Variants in SLC15A5 observed in about 807,000 individuals in gnomAD.
SLC15A5 encodes Peptide/histidine transporter ENSP00000340402.
In SLC15A5, 58 loss-of-function variants were observed where a neutral mutation model predicts 56.1. That is an observed-to-expected ratio of 1.03 (90% CI 0.84 to 1.29). SLC15A5 has a LOEUF of 1.29. SLC15A5 is among the 50% of genes most tolerant of loss of function. The pLI, the probability that SLC15A5 is intolerant of heterozygous loss-of-function variation, is 0.00. For synonymous variants in SLC15A5, 264 were observed against 250.5 expected (o/e 1.05, Z -0.51); for missense variants, 681 against 672.1 (o/e 1.01, Z -0.15).
intron 7 of SLC15A5, among the ~76,000 whole-genome samples, chr12:16,205,297 T>C (rs1864003480): frequency 6.6e-6 from 1 of 151,844 alleles, no homozygotes; most frequent in African/African-American, 2.4e-5. Context: ...GCAAGTATTA[T>C]CATTTCACAA....
rs190329082 is a variant in SLC15A5 at position 16,230,873 on chromosome 12, A to G, written c.1163-6271T>C. On this transcript the variant is annotated intron_variant, in intron 5 of 8. Coordinates refer to ENST00000344941, the MANE Select transcript of SLC15A5 (RefSeq NM_001170798.1). ...AGAAGGCAGAGCTTGTAGTGAGCTG[A>G]GATCATGCCACTGCACTCCAGCCTA... 1.8e-3 allele frequency among the ~76,000 whole-genome samples: 267 copies of G among 151,722 alleles called. 5 individuals are homozygous for G. In the East Asian group the frequency reaches 0.027, roughly 15 times the overall value.
Position 16,224,543 on chromosome 12 carries a change from G to A in SLC15A5, c.1222C>T (p.Arg408Ter), listed in dbSNP as rs962046049. 12 of 1,536,928 alleles carry A rather than the reference G, an allele frequency of 7.8e-6. No individual in the cohort carries two copies. Among genetic ancestry groups the A allele is most frequent in the African/African-American group, 4.1e-5 (3 of 73,000 alleles). The change falls in exon 6 of 9, where the codon CGA becomes TGA. Residue 408 changes from arginine to a stop codon, truncating the protein, a stop_gained. Transcript: ENST00000344941. LOFTEE classifies it high-confidence loss of function. Reference protein sequence around the residue: ...VMIAGFFEIHRKHFPAVEQPL... With the variant: ...VMIAGFFEIH Reference sequence around the variant, plus strand: ...TGCTCCACTGCAGGGAAATGTTTTCGGTGTATTTCAAAGAAGCCAGCTATC... The same window carrying A: ...TGCTCCACTGCAGGGAAATGTTTTCAGTGTATTTCAAAGAAGCCAGCTATC...
At position 16,196,368 on chromosome 12, in the gene SLC15A5, A is replaced by G. The variant is rs1414860478; in HGVS notation, c.1484-1915T>C. Among the ~76,000 whole-genome samples the G allele has an allele frequency of 6.6e-6, 1 of 151,762 alleles. No homozygotes were observed. The highest frequency in any genetic ancestry group is 1.5e-5 in the Non-Finnish European group (1 of 67,916). ...ATATTGTGTAGCCTTTTTGATGTGT[A>G]TATGTGTGCTTTTGTGTGTGTGCAT... is the stretch of plus-strand genomic sequence containing the variant. On this transcript the variant is annotated intron_variant, in intron 7 of 8. Coordinates refer to ENST00000344941, the MANE Select transcript of SLC15A5 (RefSeq NM_001170798.1). This position sits in a 1 kb window ranked among gnomAD's most constrained non-coding sequence, Gnocchi z 4.0.
rs183829415 is a variant in SLC15A5, at chr12:16,238,295, T to C, written c.1162+1386A>G. Among the ~76,000 whole-genome samples, 675 of 152,246 alleles carry C rather than the reference T, an allele frequency of 4.4e-3. 4 individuals are homozygous for C. The highest frequency in any genetic ancestry group is 5.7e-3 in the Non-Finnish European group (386 of 68,006). On this transcript the variant is annotated intron_variant, in intron 5 of 8. Coordinates refer to ENST00000344941, the MANE Select transcript of SLC15A5 (RefSeq NM_001170798.1). ...ACAGAGAAGCAACAAAAAATACCTG[T>C]GACTAGAAGATTCCGCCATAGTCTC...
chr12:16,251,676 T>C (rs1864520358), intron 3 of SLC15A5, among the ~76,000 whole-genome samples: 1 of 151,762 alleles, frequency 6.6e-6, no homozygotes, highest in South Asian at 2.1e-4. Flanking sequence ...TAAACAGTAA[T>C]CAAAAACCCC....
intron 2 of SLC15A5, among the ~76,000 whole-genome samples, chr12:16,259,024 C>T (rs1235837478): frequency 1.0e-3 from 64 of 63,214 alleles, no homozygotes; most frequent in East Asian, 2.3e-3. Flanking sequence ...TCTTTCTTTC[C>T]TTTTTTTTTT....
At chr12:16,266,476 G>A (rs962246133) in intron 2 of SLC15A5, among the ~76,000 whole-genome samples, 7 of 152,168 alleles carry the variant, frequency 4.6e-5, no homozygotes, top group Non-Finnish European at 1.0e-4. Context: ...GAATATGTAT[G>A]TCTAGGAAGA....
At chr12:16,220,725 C>T (rs181203965) in intron 6 of SLC15A5, among the ~76,000 whole-genome samples, 4 of 152,274 alleles carry the variant, frequency 2.6e-5, no homozygotes, top group Admixed American at 2.6e-4. Context: ...CAATTTTGTG[C>T]ACCCTTCTCT....
At chr12:16,231,209 G>T (rs1041401606) in intron 5 of SLC15A5, among the ~76,000 whole-genome samples, 1 of 152,262 alleles carries the variant, frequency 6.6e-6, no homozygotes, top group Middle Eastern at 3.4e-3. Context: ...ACTAAAAGAA[G>T]ATTTTTATCT....
intron 3 of SLC15A5, among the ~76,000 whole-genome samples, chr12:16,247,977 CATGAAGAGAT>C (rs2136794363): frequency 6.6e-6 from 1 of 152,096 alleles, no homozygotes; most frequent in African/African-American, 2.4e-5. Context: ...CAGTAGTAGC[CATGAAGAGAT>C]ATGAAGAGAA....
intron 8 of SLC15A5, among the ~76,000 whole-genome samples, chr12:16,192,627 T>C (rs888713407): frequency 1.3e-5 from 2 of 152,052 alleles, no homozygotes; most frequent in African/African-American, 4.8e-5. Flanking sequence ...GAACAATGCT[T>C]AGCATGTTGG....
At chr12:16,258,870 T>C (rs1864606965) in intron 2 of SLC15A5, among the ~76,000 whole-genome samples, 1 of 152,112 alleles carries the variant, frequency 6.6e-6, no homozygotes, top group Admixed American at 6.6e-5. Flanking sequence ...CCCATAATCT[T>C]TCCCATATTC....
chr12:16,238,104 G>T (rs897623947), intron 5 of SLC15A5, among the ~76,000 whole-genome samples: 2 of 152,030 alleles, frequency 1.3e-5, no homozygotes, highest in East Asian at 3.9e-4. Context: ...ATCTCAAAAG[G>T]TTATATACTA....
chr12:16,272,516 A>C (rs1203839274), intron 2 of SLC15A5, 45 bp downstream of exon 2: 1 of 1,505,796 alleles, frequency 6.6e-7, no homozygotes, highest in Non-Finnish European at 8.9e-7. Flanking sequence ...GTAAACAGTG[A>C]GAATGGTCAT....
intron 3 of SLC15A5, among the ~76,000 whole-genome samples, chr12:16,255,063 AC>A (rs1388733870): frequency 6.6e-6 from 1 of 152,142 alleles, no homozygotes; most frequent in African/African-American, 2.4e-5. Context: ...TGATTACTAT[AC>A]CTTATATGTA....
chr12:16,273,355 T>C (rs889119167), intron 1 of SLC15A5, among the ~76,000 whole-genome samples: 1 of 151,832 alleles, frequency 6.6e-6, no homozygotes. Flanking sequence ...GATGGAGCCT[T>C]CTTTGCCACA....
chr12:16,217,291 C>T (rs1335304677), intron 6 of SLC15A5, among the ~76,000 whole-genome samples: 1 of 152,114 alleles, frequency 6.6e-6, no homozygotes, highest in African/African-American at 2.4e-5. Context: ...GATGTATTCA[C>T]CCTAATTTCA....
At chr12:16,205,942 A>AT (rs1051090744) in intron 7 of SLC15A5, among the ~76,000 whole-genome samples, 1 of 152,140 alleles carries the variant, frequency 6.6e-6, no homozygotes, top group African/African-American at 2.4e-5. Context: ...ACTTCACTAA[A>AT]TTTTTTTAAG....
chr12:16,213,752 C>G (rs1864104881), intron 7 of SLC15A5, among the ~76,000 whole-genome samples: 1 of 152,166 alleles, frequency 6.6e-6, no homozygotes, highest in Non-Finnish European at 1.5e-5. Flanking sequence ...ATGGTGTTCT[C>G]TTGAGCACAG....
Sources: allele counts gnomAD v4.1 joint callset (sites outside exome capture counted in the v4.1 genomes callset), GRCh38; gene constraint gnomAD v4.1.1; non-coding constraint Gnocchi (gnomAD v3.1); transcripts MANE v1.5; gene names NCBI Gene and HGNC (gene_info 2026-07-23, HGNC 2026-07-21).